RIMS1: variants seen among roughly 807,000 people sequenced by gnomAD.
RIMS1 encodes the protein regulating synaptic membrane exocytosis protein 1.
A neutral mutation model predicts 214.1 loss-of-function variants in RIMS1; 83 were observed. That is an observed-to-expected ratio of 0.39 (90% confidence interval 0.32 to 0.47). The LOEUF is 0.47. Ranked by LOEUF, RIMS1 falls within the 20% of genes least tolerant of loss-of-function variation. RIMS1 has a pLI of 0.99. For synonymous variants in RIMS1, 793 were observed against 786.8 expected, an observed-to-expected ratio of 1.01 and a Z score of -0.13; for missense variants, 2,050 against 2,161.8, an observed-to-expected ratio of 0.95 and a Z score of 1.03.
At chr6:72,274,309 A>G (rs2154193511) in intron 22 of RIMS1, 40 bp from the exon 23 acceptor site, 4 of 1,419,002 alleles carry the variant, frequency 2.8e-6, no homozygotes, top group Non-Finnish European at 2.0e-6. Flanking sequence ...GGAGTTACTA[A>G]ATGTCCTGTT....
At chr6:71,977,515 C>T (rs1797449794) in intron 2 of RIMS1, among the ~76,000 whole-genome samples, 1 of 152,000 alleles carries the variant, frequency 6.6e-6, no homozygotes, top group South Asian at 2.1e-4. Context: ...ACAATCTAAA[C>T]AACAAACAAA....
intron 28 of RIMS1, among the ~76,000 whole-genome samples, chr6:72,315,570 TAGGAAG>T (rs1044679676): frequency 1.3e-5 from 2 of 152,160 alleles, no homozygotes; most frequent in Admixed American, 6.5e-5. Flanking sequence ...TTAGAATAAT[TAGGAAG>T]AATAGAGAGA....
Position 72,156,052 on chromosome 6 carries a change from C to A in RIMS1, c.472-23523C>A, listed in dbSNP as rs527912123. On this transcript the variant is annotated intron_variant, in intron 4 of 33. Transcript: ENST00000521978. ...AAATTGACATAGCCACTATGGAAAA[C>A]AGTATGGAGTTCCCTCAGAAAATTA... 5 of 360,344 alleles carry A rather than the reference C, an allele frequency of 1.4e-5. No homozygotes were observed. The East Asian group carries it at 4.2e-4, about 30-fold the overall frequency. 22.3% of individuals were successfully genotyped at this position (360,344 alleles called of 1,614,324 possible).
intron 6 of RIMS1, among the ~76,000 whole-genome samples, chr6:72,209,960 A>G (rs1367394048): frequency 6.6e-6 from 1 of 151,836 alleles, no homozygotes; most frequent in Admixed American, 6.6e-5. Flanking sequence ...ATTTGCCTCC[A>G]TATGATTATG....
chr6:72,386,673 C>T (rs1443037350), intron 29 of RIMS1, among the ~76,000 whole-genome samples: 1 of 151,954 alleles, frequency 6.6e-6, no homozygotes, highest in East Asian at 1.9e-4. Flanking sequence ...CTCTACCCCT[C>T]TCATCCTGCC....
intron 1 of RIMS1, among the ~76,000 whole-genome samples, chr6:71,932,843 A>G (rs925429831): frequency 1.3e-5 from 2 of 152,098 alleles, no homozygotes; most frequent in African/African-American, 4.8e-5. Flanking sequence ...TAAAAGTGAC[A>G]TGTTTGGAAA....
At chr6:72,345,383 T>C (rs2154362107) in intron 29 of RIMS1, among the ~76,000 whole-genome samples, 1 of 151,896 alleles carries the variant, frequency 6.6e-6, no homozygotes, top group South Asian at 2.1e-4. Flanking sequence ...TGTGATTTAG[T>C]GAGCAATTAT....
At chr6:72,153,156 G>A (rs1235231247) in intron 4 of RIMS1, among the ~76,000 whole-genome samples, 1 of 149,478 alleles carries the variant, frequency 6.7e-6, no homozygotes, top group African/African-American at 2.5e-5. Context: ...TGGAATATAT[G>A]TATATATTCC....
At chr6:72,323,505 G>A (rs193197277) in intron 28 of RIMS1, among the ~76,000 whole-genome samples, 1 of 151,950 alleles carries the variant, frequency 6.6e-6, no homozygotes, top group East Asian at 1.9e-4. Flanking sequence ...TAAAACCAAG[G>A]ATTAATGAAC....
rs1289889610 is a variant in RIMS1 at position 72,179,749 on chromosome 6, T to A, written c.646T>A (p.Ser216Thr). 6.2e-7 allele frequency: 1 copy of A among 1,613,734 alleles called. No homozygotes were observed. Among genetic ancestry groups the A allele is most frequent in the Admixed American group, 1.7e-5 (1 of 60,008 alleles). Reference sequence around the variant, plus strand: ...AAAGAAAGCACGACTCCAAGAGCGATCGCGGTCTCAGACACCCCTAAGCAC... The same window carrying A: ...AAAGAAAGCACGACTCCAAGAGCGAACGCGGTCTCAGACACCCCTAAGCAC... ...REKKARLQERSRSQTPLSTAA... is the reference protein window; with the variant it reads ...REKKARLQERTRSQTPLSTAA... The change falls in exon 5 of 34, where the codon TCG becomes ACG. Residue 216 changes from serine (S) to threonine (T), a missense_variant. By Grantham distance (58) the Ser-to-Thr change is moderately conservative. Transcript: ENST00000521978.
chr6:72,169,983 G>A (rs1350451548), intron 4 of RIMS1, among the ~76,000 whole-genome samples: 1 of 152,146 alleles, frequency 6.6e-6, no homozygotes, highest in Non-Finnish European at 1.5e-5. Context: ...CATCATAAAA[G>A]TCAAAGTCAT....
intron 4 of RIMS1, among the ~76,000 whole-genome samples, chr6:72,110,422 C>T (rs550651600): frequency 2.0e-5 from 3 of 151,064 alleles, no homozygotes; most frequent in Non-Finnish European, 3.0e-5. Context: ...CTTCACATCC[C>T]TTGTAAGTTG....
intron 2 of RIMS1, among the ~76,000 whole-genome samples, chr6:71,992,434 C>CTTTCTTTCTT (rs1801976199): frequency 8.4e-6 from 1 of 119,654 alleles, no homozygotes; most frequent in Non-Finnish European, 1.7e-5. Flanking sequence ...TTCTTTCTTT[C>CTTTCTTTCTT]TTTCTTTCTT....
chr6:72,350,150 T>C (rs532244445), intron 29 of RIMS1, among the ~76,000 whole-genome samples: 4 of 152,236 alleles, frequency 2.6e-5, no homozygotes, highest in African/African-American at 7.2e-5. Context: ...GAAAAATATT[T>C]AATAAATCAC....
At chr6:72,114,647 GCACT>G (rs1271976487) in intron 4 of RIMS1, among the ~76,000 whole-genome samples, 5 of 151,904 alleles carry the variant, frequency 3.3e-5, no homozygotes, top group African/African-American at 1.2e-4. Flanking sequence ...AGTATAGTAA[GCACT>G]CAGTGAACTT....
rs1563543012 is a variant in RIMS1 at position 72,284,125 on chromosome 6, T to C, written c.3554+7T>C. 1 of 1,611,996 alleles carries C rather than the reference T, an allele frequency of 6.2e-7. No homozygotes were observed. Among genetic ancestry groups the C allele is most frequent in the East Asian group, 2.2e-5 (1 of 44,838 alleles). On this transcript the variant is annotated splice_region_variant and intron_variant, in intron 24 of 33. Coordinates refer to ENST00000521978, the MANE Select transcript of RIMS1 (RefSeq NM_014989.7). ...CTGCCTCTGATGCAGAAAGGTAGGC[T>C]TGGTGTTGTGGTGTGCTGACATCTT...
At chr6:71,995,336 T>C (rs762675121) in intron 2 of RIMS1, among the ~76,000 whole-genome samples, 2 of 152,198 alleles carry the variant, frequency 1.3e-5, no homozygotes, top group Non-Finnish European at 2.9e-5. Context: ...ATATTTTCTT[T>C]GTACTCTTGA....
intron 2 of RIMS1, among the ~76,000 whole-genome samples, chr6:71,985,901 G>T (rs1420561353): frequency 6.6e-6 from 1 of 152,106 alleles, no homozygotes; most frequent in Non-Finnish European, 1.5e-5. Flanking sequence ...CTTTCCAAAA[G>T]CTGCTTATGC....
intron 4 of RIMS1, among the ~76,000 whole-genome samples, chr6:72,117,067 C>T (rs1203176418): frequency 2.6e-5 from 4 of 151,884 alleles, no homozygotes; most frequent in Non-Finnish European, 4.4e-5. Flanking sequence ...TGGAGAATTC[C>T]GTTCCTCATA....
Sources: allele counts gnomAD v4.1 joint callset (sites outside exome capture counted in the v4.1 genomes callset), GRCh38; gene constraint gnomAD v4.1.1; transcripts MANE v1.5; gene names NCBI Gene and HGNC (gene_info 2026-07-23, HGNC 2026-07-21).